The following CUTA variants were observed in gnomAD, a reference collection of about 807,000 sequenced individuals.
The protein encoded by CUTA is cutA divalent cation tolerance homolog, also known as protein CutA.
In CUTA, 21 loss-of-function variants were observed where a neutral mutation model predicts 20.7. The ratio of observed to expected loss-of-function variants is 1.01; its 90% CI spans 0.72 to 1.46. The LOEUF (loss-of-function observed/expected upper bound fraction) is 1.46. Ranked by LOEUF, CUTA falls within the 40% of genes most tolerant of loss-of-function variation. CUTA has a pLI of 0.00. For missense variants in CUTA, 231 were observed against 226.8 expected, an observed-to-expected ratio of 1.02 and a Z score of -0.12; for synonymous variants, 99 against 97.9, an observed-to-expected ratio of 1.01 and a Z score of -0.07.
In CUTA at chr6:33,417,468, T is replaced by G; in HGVS notation, c.257+13A>C. The G allele has an allele frequency of 6.2e-7, 1 of 1,613,926 alleles. No individual in the cohort carries two copies. Among genetic ancestry groups the G allele is most frequent in the Non-Finnish European group, 8.5e-7 (1 of 1,179,884 alleles). ...CATGATCATCCTTTCTCGCTGCACA[T>G]CGAGGTCCCTACCTGGCGATCTCCT... On this transcript the variant is annotated intron_variant, in intron 2 of 5. Coordinates refer to ENST00000488034, the MANE Select transcript of CUTA (RefSeq NM_001014840.2).
At position 33,416,498 on chromosome 6, in the gene CUTA, T is replaced by C. The variant is rs546018857; in HGVS notation, c.*152A>G. The C allele has an allele frequency of 4.6e-6, 3 of 656,974 alleles. No homozygotes were observed. Among genetic ancestry groups the C allele is most frequent in the South Asian group, 3.6e-5 (2 of 55,454 alleles). The allele number at this position is 656,974 out of a possible 1,614,324, so 40.7% of individuals were successfully genotyped here. Reference sequence around the variant, plus strand: ...AGAATACAGGGACTAGAAGCACTTATATTCTCCCAACAAATTTGCATACAT... The same window carrying C: ...AGAATACAGGGACTAGAAGCACTTACATTCTCCCAACAAATTTGCATACAT... On this transcript the variant is annotated 3_prime_UTR_variant, in exon 6 of 6. Coordinates refer to ENST00000488034, the MANE Select transcript of CUTA (RefSeq NM_001014840.2).
intron 1 of CUTA, 54 bp from the exon 2 acceptor site, chr6:33,417,749 AC>A (rs145812282): frequency 0.12 from 190,854 of 1,562,786 alleles, 13,071 homozygotes; most frequent in Middle Eastern, 0.15. Flanking sequence ...AGGAAATTAC[AC>A]CCGGGGAAGC....
chr6:33,416,699 A>G lies in CUTA; in HGVS notation c.491T>C (p.Val164Ala), dbSNP rs1310582155. The part of the protein sequence containing the change: ...EQGNFPYLQW[V>A]RQVTESVSDS... ...AGAAACTGACTCTGTGACCTGGCGC[A>G]CCCACTGCAGGTACGGAAAGTTCCC... The change falls in exon 6 of 6, where the codon GTG becomes GCG. Residue 164 changes from valine (V) to alanine (A), a missense_variant. Physicochemically the swap from Val to Ala is moderately conservative, Grantham distance 64 (BLOSUM62 0). Coordinates refer to ENST00000488034, the MANE Select transcript of CUTA (RefSeq NM_001014840.2). The G allele has an allele frequency of 5.6e-6, 9 of 1,613,776 alleles. No homozygotes were observed. Among genetic ancestry groups the G allele is most frequent in the Non-Finnish European group, 7.6e-6 (9 of 1,179,820 alleles).
Position 33,417,108 on chromosome 6 carries a change from C to A in CUTA, c.352G>T (p.Glu118Ter). The A allele has an allele frequency of 1.2e-6, 2 of 1,611,742 alleles. No individual in the cohort carries two copies. Among genetic ancestry groups the A allele is most frequent in the South Asian group, 2.2e-5 (2 of 90,922 alleles). The change falls in exon 4 of 6, where the codon GAG becomes TAG. Residue 118 changes from glutamate to a stop codon, truncating the protein, a stop_gained. Transcript: ENST00000488034. LOFTEE classifies it high-confidence loss of function. ...GAAATGTTTCTCACCATCAGCACCT[C>A]ACTGTCTTCCTCGATCTTCCCTTTC... ...EWKGKIEEDS[E>*]VLMMIKTQSS...
chr6:33,417,154 G>C lies in CUTA; in HGVS notation c.318-12C>G, dbSNP rs369482910. ...CTTTCCACTCATAGCTGAAAGGTCA[G>C]AGGGGGAGAGTTGTGGGGAGCAAAG... On this transcript the variant is annotated splice_polypyrimidine_tract_variant and intron_variant, in intron 3 of 5. Coordinates refer to ENST00000488034, the MANE Select transcript of CUTA (RefSeq NM_001014840.2). The C allele has an allele frequency of 6.2e-7, 1 of 1,612,140 alleles. No individual in the cohort carries two copies. The highest frequency in any genetic ancestry group is 1.3e-5 in the African/African-American group (1 of 74,902).
rs1391737541 is a variant in CUTA at position 33,417,975 on chromosome 6, A to G, written c.26T>C (p.Val9Ala). Residue 9 changes from valine (V) to alanine (A), a missense_variant, in exon 1 of 6, where the codon GTC (valine) becomes GCC (alanine). Coordinates refer to ENST00000488034, the MANE Select transcript of CUTA (RefSeq NM_001014840.2). Reference protein sequence around the residue: MSGGRAPAVLLGGVASLLL... With the variant: MSGGRAPAALLGGVASLLL... ...GTCACTCACCACTCCGCCGAGCAGG[A>G]CCGCGGGAGCCCGCCCCCCACTCAT... 22 of 1,607,542 alleles carry G rather than the reference A, an allele frequency of 1.4e-5. No homozygotes were observed. Among genetic ancestry groups the G allele is most frequent in the Non-Finnish European group, 1.9e-5 (22 of 1,177,312 alleles).
At position 33,417,254 on chromosome 6, in the gene CUTA, G is replaced by C; in HGVS notation, c.314C>G (p.Ser105Cys). The C allele has an allele frequency of 1.2e-6, 2 of 1,614,198 alleles. No homozygotes were observed. The highest frequency in any genetic ancestry group is 2.2e-5 in the South Asian group (2 of 91,090). ...CCCCCCAACTCCTATGACTCACATG[G>C]ATGTAATCTGAGGGATGAGGTTGAC... ...ACVNLIPQIT[S>C]IYEWKGKIEE... The change falls in exon 3 of 6, where the codon TCC becomes TGC. Residue 105 changes from serine to cysteine, a missense_variant. Physicochemically the swap from Ser to Cys is moderately radical, Grantham distance 112 (BLOSUM62 -1). Transcript: ENST00000488034.
rs762423401 is a variant in CUTA, at chr6:33,416,615, G to T, written c.*35C>A. On this transcript the variant is annotated 3_prime_UTR_variant, in exon 6 of 6. Coordinates refer to ENST00000488034, the MANE Select transcript of CUTA (RefSeq NM_001014840.2). ...GGAAGTCAGAAGGCGTTGAAGTATC[G>T]CGGGGATCTTCATGATGAGCAGGAA... 2.4e-6 allele frequency: 3 copies of T among 1,234,164 alleles called. No homozygotes were observed. Among genetic ancestry groups the T allele is most frequent in the Non-Finnish European group, 2.4e-6 (2 of 834,082 alleles). The allele number at this position is 1,234,164 out of a possible 1,614,324, so 76.5% of individuals were successfully genotyped here.
chr6:33,416,846 G>T (rs1776531259), intron 5 of CUTA, 70 bp from the exon 6 acceptor site: 15 of 1,603,538 alleles, frequency 9.4e-6, no homozygotes, highest in Non-Finnish European at 1.3e-5. Flanking sequence ...TCCCTTACAC[G>T]CAAGCCCTAG....
In CUTA at chr6:33,418,038, C is replaced by T. The variant is rs1357659271; in HGVS notation, c.-38G>A. On this transcript the variant is annotated 5_prime_UTR_variant, in exon 1 of 6. Coordinates refer to ENST00000488034, the MANE Select transcript of CUTA (RefSeq NM_001014840.2). This position sits in a 1 kb window ranked among gnomAD's most constrained non-coding sequence, Gnocchi z 5.7. The stretch of plus-strand genomic sequence containing the variant: ...GGTACAGGAGAGTTGATCTCAAAGG[C>T]CACACGTCACACGGAGAAACAACCC... 1.2e-6 allele frequency: 2 copies of T among 1,614,152 alleles called. No homozygotes were observed. Among genetic ancestry groups the T allele is most frequent in the East Asian group, 2.2e-5 (1 of 44,886 alleles).
chr6:33,417,361 G>A lies in CUTA; in HGVS notation c.258-51C>T, dbSNP rs564290696. ...AGAGTACCCCATAACCCCAGTTTTT[G>A]TACTGGCAGCCCAGAGACAGGCTTC... On this transcript the variant is annotated intron_variant, in intron 2 of 5. Transcript: ENST00000488034. 3 of 1,613,572 alleles carry A rather than the reference G, an allele frequency of 1.9e-6. No individual in the cohort carries two copies. In the Admixed American group the frequency reaches 5.0e-5, roughly 27 times the overall value.
chr6:33,416,664 T>C lies in CUTA; in HGVS notation c.526A>G (p.Thr176Ala). ...AACAGGGCTCATCATGGCAGGACTGTGATAGAGTCAGAAACTGACTCTGTG... is the reference window on the plus strand; with the variant it reads ...AACAGGGCTCATCATGGCAGGACTGCGATAGAGTCAGAAACTGACTCTGTG... ...QVTESVSDSI[T>A]VLP The change falls in exon 6 of 6, where the codon ACA becomes GCA. Residue 176 changes from threonine to alanine, a missense_variant. By Grantham distance (58) the Thr-to-Ala change is moderately conservative. Coordinates refer to ENST00000488034, the MANE Select transcript of CUTA (RefSeq NM_001014840.2). The C allele has an allele frequency of 6.3e-7, 1 of 1,586,534 alleles. No homozygotes were observed. Among genetic ancestry groups the C allele is most frequent in the Non-Finnish European group, 8.7e-7 (1 of 1,154,978 alleles).
intron 1 of CUTA, 118 bp downstream of exon 1, chr6:33,417,841 A>G: frequency 6.5e-7 from 1 of 1,545,668 alleles, no homozygotes; most frequent in Non-Finnish European, 8.7e-7. Context: ...GAAACTTGGA[A>G]AATAAAGCAA....
Position 33,417,706 on chromosome 6 carries a change from G to C in CUTA, c.43-11C>G. ...CAGGAGCAGAGAGGCCTGAGAGCAG[G>C]AGGCGAATTCGATCTCTCCTCACAA... On this transcript the variant is annotated splice_polypyrimidine_tract_variant and intron_variant, in intron 1 of 5. Transcript: ENST00000488034. The C allele has an allele frequency of 6.3e-7, 1 of 1,596,606 alleles. No homozygotes were observed. The highest frequency in any genetic ancestry group is 8.5e-7 in the Non-Finnish European group (1 of 1,172,860).
chr6:33,417,015 GTT>G, intron 4 of CUTA, 46 bp from the exon 5 acceptor site: 1 of 1,612,950 alleles, frequency 6.2e-7, no homozygotes, highest in Non-Finnish European at 8.5e-7. Flanking sequence ...GTGGGATTGA[GTT>G]CAGTTTCTCA....
At position 33,418,105 on chromosome 6, in the gene CUTA, AT is replaced by A; in HGVS notation, c.-106del. 2 of 1,613,886 alleles carry A rather than the reference AT, an allele frequency of 1.2e-6. No individual in the cohort carries two copies. The highest frequency in any genetic ancestry group is 1.7e-6 in the Non-Finnish European group (2 of 1,179,970). ...TTCTTACCTGGGTGGCAGCCACGTG[AT>A]TAGAAAACAGCGCGCACCATGTGAC... On this transcript the variant is annotated 5_prime_UTR_variant, in exon 1 of 6. Transcript: ENST00000488034. The surrounding 1 kb of genome is among the most constrained non-coding windows in gnomAD (Gnocchi z 5.7).
chr6:33,417,358 T>C, intron 2 of CUTA, 48 bp from the exon 3 acceptor site: 1 of 1,613,690 alleles, frequency 6.2e-7, no homozygotes, highest in Non-Finnish European at 8.5e-7. Context: ...AACCCCAGTT[T>C]TTGTACTGGC....
Position 33,417,693 on chromosome 6 carries a change from G to C in CUTA, c.45C>G (p.Ala15=). Residue 15 remains alanine (A), a splice_region_variant and synonymous_variant, in exon 2 of 6, where the codon GCC becomes GCG. Coordinates refer to ENST00000488034, the MANE Select transcript of CUTA (RefSeq NM_001014840.2). ...TCCAAACAAAAGACAGGAGCAGAGA[G>C]GCCTGAGAGCAGGAGGCGAATTCGA... is the stretch of plus-strand genomic sequence containing the variant. ...RAPAVLLGGV[A]SLLLSFVWMP... is the part of the protein sequence containing the mutation. The C allele has an allele frequency of 6.2e-7, 1 of 1,603,782 alleles. No individual in the cohort carries two copies. The highest frequency in any genetic ancestry group is 8.5e-7 in the Non-Finnish European group (1 of 1,175,628).
At position 33,417,625 on chromosome 6, in the gene CUTA, G is replaced by T. The variant is rs753783289; in HGVS notation, c.113C>A (p.Pro38His). 6.2e-7 allele frequency: 1 copy of T among 1,613,602 alleles called. No homozygotes were observed. Among genetic ancestry groups the T allele is most frequent in the Non-Finnish European group, 8.5e-7 (1 of 1,179,848 alleles). The change falls in exon 2 of 6, where the codon CCC becomes CAC. Residue 38 changes from proline to histidine, a missense_variant. Transcript: ENST00000488034. ...LPVASRLLLL[P>H]RVLLTMASGS... is the part of the protein sequence containing the mutation. Reference sequence around the variant, plus strand: ...AGAGGCCATGGTCAGCAAGACTCGGGGTAGCAACAAAAGGCGGGAGGCCAC... The same window carrying T: ...AGAGGCCATGGTCAGCAAGACTCGGTGTAGCAACAAAAGGCGGGAGGCCAC...
Sources: gnomAD v4.1 joint callset for allele counts on GRCh38, gnomAD v4.1.1 for gene constraint, Gnocchi (gnomAD v3.1) non-coding constraint, MANE v1.5 for transcripts, NCBI Gene and HGNC (gene_info 2026-07-23, HGNC 2026-07-21) for gene names.